NUP214: variants seen among roughly 807,000 people sequenced by gnomAD.
The protein encoded by NUP214 is nucleoporin 214.
A neutral mutation model predicts 196.2 loss-of-function variants in NUP214; 79 were observed. The ratio of observed to expected loss-of-function variants is 0.40; its 90% CI spans 0.34 to 0.49. The LOEUF is 0.49. NUP214 is among the 20% of genes least tolerant of loss of function. The pLI is 0.58. For missense variants in NUP214, 2,468 were observed against 2,539.0 expected, an observed-to-expected ratio of 0.97 and a Z score of 0.60; for synonymous variants, 1,020 against 990.5, an observed-to-expected ratio of 1.03 and a Z score of -0.56.
intron 4 of NUP214, 48 bp downstream of exon 4, chr9:131,129,525 A>G (rs3736957): frequency 1.9e-6 from 3 of 1,547,602 alleles, no homozygotes; most frequent in South Asian, 1.1e-5. Context: ...ATGGTCATCT[A>G]CTTAAGAATT....
Position 131,128,316 on chromosome 9 carries a change from T to C in NUP214, c.242-16T>C. 1.2e-6 allele frequency: 2 copies of C among 1,602,782 alleles called. No individual in the cohort carries two copies. Among genetic ancestry groups the C allele is most frequent in the Non-Finnish European group, 1.7e-6 (2 of 1,172,690 alleles). On this transcript the variant is annotated splice_polypyrimidine_tract_variant and intron_variant, in intron 2 of 35. Coordinates refer to ENST00000359428, the MANE Select transcript of NUP214 (RefSeq NM_005085.4). ...GAACATACCGTTTTCTGCTTTGTATTTTTTTGTTTTCATAGTTGATAAAGT... is the reference window on the plus strand; with the variant it reads ...GAACATACCGTTTTCTGCTTTGTATCTTTTTGTTTTCATAGTTGATAAAGT...
chr9:131,132,780 C>G, intron 6 of NUP214, 121 bp downstream of exon 6: 1 of 861,410 alleles, frequency 1.2e-6, no homozygotes, highest in South Asian at 1.6e-5. Context: ...TGAATAATGT[C>G]ACTATTTCAA....
intron 26 of NUP214, chr9:131,190,121 G>A (rs1360508639): frequency 7.8e-6 from 2 of 257,132 alleles, no homozygotes; most frequent in Non-Finnish European, 1.5e-5. Context: ...TCTAGAATTC[G>A]GAGTGATATG....
rs923099134 is a variant in NUP214, at chr9:131,175,543, A to T, written c.3241A>T (p.Ser1081Cys). Residue 1081 changes from serine to cysteine, a missense_variant, in exon 23 of 36, where the codon AGT becomes TGT. By Grantham distance (112) the Ser-to-Cys change is moderately radical. Around this residue, in one of 5 missense-constraint regions of NUP214, gnomAD observed 1,801 missense variants for 1,779.4 expected, o/e 1.01. Coordinates refer to ENST00000359428, the MANE Select transcript of NUP214 (RefSeq NM_005085.4). ...ATKTVKHGAP[S>C]PSHPISAPQA... ...GAAAACCGTGAAACATGGTGCACCT[A>T]GTCCTTCCCACCCCATCTCAGCCCC... The T allele has an allele frequency of 6.2e-7, 1 of 1,614,070 alleles. No individual in the cohort carries two copies. Among genetic ancestry groups the T allele is most frequent in the Non-Finnish European group, 8.5e-7 (1 of 1,180,032 alleles).
intron 23 of NUP214, chr9:131,175,882 A>T (rs1013110383): frequency 6.9e-5 from 27 of 388,722 alleles, no homozygotes; most frequent in Middle Eastern, 1.4e-3. Context: ...TTTTTTTTTT[A>T]AACAAAATTG....
rs141418879 is a variant in NUP214, at chr9:131,129,433, T to C, written c.548T>C (p.Val183Ala). 1,194 of 1,614,136 alleles carry C rather than the reference T, an allele frequency of 7.4e-4. 2 individuals are homozygous for C. Among genetic ancestry groups the C allele is most frequent in the Non-Finnish European group, 9.4e-4 (1,104 of 1,180,016 alleles). The change falls in exon 4 of 36, where the codon GTG (valine) becomes GCG (alanine). Residue 183 changes from valine to alanine, a missense_variant. By Grantham distance (64) the Val-to-Ala change is moderately conservative (BLOSUM62 0). Transcript: ENST00000359428. ...SIAVLQVTET[V>A]KVCATLPSTV... ...GCTGTCCTGCAAGTCACGGAAACAG[T>C]GAAAGTATGTGCAACTCTTCCTTCC...
At position 131,164,075 on chromosome 9, in the gene NUP214, A is replaced by T. The variant is rs774871742; in HGVS notation, c.2824A>T (p.Met942Leu). Residue 942 changes from methionine to leucine, a missense_variant, in exon 21 of 36, where the codon ATG becomes TTG. Met to Leu is a conservative substitution (Grantham distance 15). Transcript: ENST00000359428. Reference sequence around the variant, plus strand: ...ATTTCTTGCAGCCAAACTGTCCCCCATGAAACAGGCACAACTGAGAAACTT... The same window carrying T: ...ATTTCTTGCAGCCAAACTGTCCCCCTTGAAACAGGCACAACTGAGAAACTT... Reference protein sequence around the residue: ...LPKVPAKLSPMKQAQLRNFLA... With the variant: ...LPKVPAKLSPLKQAQLRNFLA... The T allele has an allele frequency of 1.2e-5, 20 of 1,614,048 alleles. No homozygotes were observed. The highest frequency in any genetic ancestry group is 1.4e-5 in the Non-Finnish European group (17 of 1,180,038).
At chr9:131,130,132 G>GTTTTGTTTTT (rs1831487969) in intron 4 of NUP214, among the ~76,000 whole-genome samples, 1 of 46,552 alleles carries the variant, frequency 2.1e-5, no homozygotes, top group East Asian at 7.0e-4. Flanking sequence ...ATGATTTCTG[G>GTTTTGTTTTT]TTTTGTTTTT....
intron 21 of NUP214, among the ~76,000 whole-genome samples, chr9:131,173,432 A>G (rs553405237): frequency 1.6e-5 from 2 of 127,318 alleles, no homozygotes; most frequent in South Asian, 2.5e-4. Flanking sequence ...GGGTCTCACT[A>G]TGTTGCCTAA....
In NUP214 at chr9:131,132,089, A is replaced by G. The variant is rs551756925; in HGVS notation, c.664-507A>G. Among the ~76,000 whole-genome samples the G allele has an allele frequency of 5.5e-4, 81 of 147,442 alleles. 1 individual carries two copies. Among genetic ancestry groups the G allele is most frequent in the African/African-American group, 1.9e-3 (76 of 39,882 alleles). Reference sequence around the variant, plus strand: ...TCATTACCTATATCTGAACATGTTCATGCGTTCATGCGTTTCTTTTCTTTT... The same window carrying G: ...TCATTACCTATATCTGAACATGTTCGTGCGTTCATGCGTTTCTTTTCTTTT... On this transcript the variant is annotated intron_variant, in intron 5 of 35. Coordinates refer to ENST00000359428, the MANE Select transcript of NUP214 (RefSeq NM_005085.4).
At chr9:131,180,808 A>G (rs1833255400) in intron 24 of NUP214, among the ~76,000 whole-genome samples, 1 of 152,202 alleles carries the variant, frequency 6.6e-6, no homozygotes, top group South Asian at 2.1e-4. Context: ...CCAATTACAC[A>G]AACACTTATT....
Position 131,232,335 on chromosome 9 carries a change from C to T in NUP214, c.6239+27C>T. The T allele has an allele frequency of 1.2e-6, 2 of 1,607,202 alleles. No individual in the cohort carries two copies. The highest frequency in any genetic ancestry group is 2.2e-5 in the East Asian group (1 of 44,838). On this transcript the variant is annotated intron_variant, in intron 35 of 35. Transcript: ENST00000359428. The surrounding 1 kb of genome is among the most constrained non-coding windows in gnomAD (Gnocchi z 5.1). The stretch of plus-strand genomic sequence containing the variant: ...TAAGTATCCCCCTTTTTGAGTCTCA[C>T]CTTAATTAAAAGCATTAAATAAGGT...
intron 21 of NUP214, among the ~76,000 whole-genome samples, chr9:131,171,237 G>A (rs548134655): frequency 1.9e-4 from 29 of 152,264 alleles, no homozygotes; most frequent in Admixed American, 2.6e-4. Context: ...TTCCTCCACC[G>A]AAGGCAGGTA....
chr9:131,196,782 T>C (rs921484481), intron 28 of NUP214, among the ~76,000 whole-genome samples: 2 of 152,186 alleles, frequency 1.3e-5, no homozygotes, highest in African/African-American at 2.4e-5. Flanking sequence ...ACTGACACTT[T>C]ATTTGCTCAT....
At chr9:131,177,654 A>G (rs1319480727) in intron 23 of NUP214, among the ~76,000 whole-genome samples, 1 of 152,186 alleles carries the variant, frequency 6.6e-6, no homozygotes, top group Non-Finnish European at 1.5e-5. Context: ...ATGAGCCACA[A>G]GCTTTGCTCA....
chr9:131,212,098 CTG>C, intron 30 of NUP214, among the ~76,000 whole-genome samples: 1 of 152,322 alleles, frequency 6.6e-6, no homozygotes, highest in South Asian at 2.1e-4. Flanking sequence ...CTAGGAGTGT[CTG>C]TCTTACACGG....
intron 32 of NUP214, among the ~76,000 whole-genome samples, chr9:131,223,711 TTTTATTTA>T (rs1371826550): frequency 1.8e-4 from 5 of 27,150 alleles, no homozygotes; most frequent in African/African-American, 2.8e-4. Flanking sequence ...TTTTTTTTAT[TTTTATTTA>T]TTTATTTATT....
chr9:131,170,936 T>A (rs781141582), intron 21 of NUP214, among the ~76,000 whole-genome samples: 6 of 152,194 alleles, frequency 3.9e-5, no homozygotes, highest in Non-Finnish European at 8.8e-5. Context: ...TGAGGTTTGC[T>A]GCATCTACTG....
chr9:131,206,841 A>G (rs558873817), intron 30 of NUP214, among the ~76,000 whole-genome samples: 1 of 152,190 alleles, frequency 6.6e-6, no homozygotes, highest in East Asian at 1.9e-4. Context: ...AGAAAACATC[A>G]CTGTGATAAA....
Sources: allele counts gnomAD v4.1 joint callset (sites outside exome capture counted in the v4.1 genomes callset), GRCh38; gene constraint gnomAD v4.1.1; regional missense constraint gnomAD v4.1.1; non-coding constraint Gnocchi (gnomAD v3.1); transcripts MANE v1.5; gene names NCBI Gene and HGNC (gene_info 2026-07-23, HGNC 2026-07-21).